Variants in LINC01488 observed in about 807,000 individuals in gnomAD.
The protein encoded by LINC01488 is CCND1-upstream intergenic DNA repair 1.
chr11:69,483,300 G>GC (rs1162692647), intron 1 of LINC01488, among the ~76,000 whole-genome samples: 2 of 152,194 alleles, frequency 1.3e-5, no homozygotes, highest in Non-Finnish European at 2.9e-5. Context: ...ACACTCTGGA[G>GC]CCTACAGGTG....
intron 1 of LINC01488, among the ~76,000 whole-genome samples, chr11:69,489,548 C>A (rs1006799908): frequency 6.6e-6 from 1 of 152,266 alleles, no homozygotes; most frequent in South Asian, 2.1e-4. Context: ...AGCCCTGGAG[C>A]CGGAGGCTTG....
intron 1 of LINC01488, among the ~76,000 whole-genome samples, chr11:69,485,076 G>A (rs1290370798): frequency 1.3e-5 from 2 of 152,210 alleles, no homozygotes; most frequent in African/African-American, 4.8e-5. Flanking sequence ...GCATGTCACT[G>A]CGTATGGGAA....
At chr11:69,491,231 T>C (rs1230668929) in exon 3 of LINC01488, 1 of 152,132 alleles carries the variant, frequency 6.6e-6, no homozygotes, top group East Asian at 1.9e-4. Flanking sequence ...GGACACAGCA[T>C]GAAGGAGTAG....
At chr11:69,486,607 G>T (rs1169007123) in intron 1 of LINC01488, among the ~76,000 whole-genome samples, 1 of 152,226 alleles carries the variant, frequency 6.6e-6, no homozygotes, top group Non-Finnish European at 1.5e-5. Context: ...CTGTCCTGGG[G>T]GGTCTTCCTG....
exon 4 of LINC01488, chr11:69,492,177 G>A (rs1023911450): frequency 6.6e-6 from 1 of 152,292 alleles, no homozygotes; most frequent in Admixed American, 6.5e-5. Flanking sequence ...GAGGAGTTGG[G>A]GTAGTCCTCC....
intron 1 of LINC01488, among the ~76,000 whole-genome samples, chr11:69,486,333 T>C (rs1857116660): frequency 6.6e-6 from 1 of 152,168 alleles, no homozygotes; most frequent in Admixed American, 6.5e-5. Flanking sequence ...CTGTGGGCCA[T>C]CTGGGGGAGC....
At chr11:69,488,240 A>T (rs1857156074) in intron 1 of LINC01488, 1 of 152,384 alleles carries the variant, frequency 6.6e-6, no homozygotes, top group African/African-American at 2.4e-5. Flanking sequence ...GGCTTCCCTG[A>T]GCACAGCCAC....
chr11:69,486,758 A>T (rs1269956709), intron 1 of LINC01488, among the ~76,000 whole-genome samples: 2 of 152,116 alleles, frequency 1.3e-5, no homozygotes, highest in Non-Finnish European at 2.9e-5. Flanking sequence ...AGCCCCCGCG[A>T]TGGGTGGCAG....
chr11:69,488,484 G>C (rs1461367717), intron 1 of LINC01488, among the ~76,000 whole-genome samples: 1 of 152,140 alleles, frequency 6.6e-6, no homozygotes, highest in Non-Finnish European at 1.5e-5. Context: ...CTGAGCCCCC[G>C]AGGTGGGCAC....
intron 1 of LINC01488, chr11:69,481,834 G>A (rs1857050705): frequency 6.6e-6 from 1 of 152,294 alleles, no homozygotes; most frequent in Non-Finnish European, 1.5e-5. Flanking sequence ...TAGGGAGGGA[G>A]GTGGGTGAAT....
chr11:69,492,787 C>T (rs1221233122), exon 4 of LINC01488: 1 of 152,232 alleles, frequency 6.6e-6, no homozygotes, highest in Non-Finnish European at 1.5e-5. Flanking sequence ...ACCTGCTGAC[C>T]TCTGAGCTCA....
At chr11:69,489,691 G>A (rs541056764) in intron 1 of LINC01488, among the ~76,000 whole-genome samples, 4 of 152,354 alleles carry the variant, frequency 2.6e-5, no homozygotes, top group Non-Finnish European at 5.9e-5. Flanking sequence ...CGCAGGGACA[G>A]GGGCAGGTCT....
chr11:69,481,779 A>G (rs1379791080), exon 1 of LINC01488: 1 of 152,320 alleles, frequency 6.6e-6, no homozygotes, highest in Non-Finnish European at 1.5e-5. Context: ...GGCTCCATCC[A>G]GCAAGTAAGG....
chr11:69,486,405 C>T (rs1412946924), intron 1 of LINC01488, among the ~76,000 whole-genome samples: 2 of 152,228 alleles, frequency 1.3e-5, no homozygotes, highest in African/African-American at 4.8e-5. Context: ...GTCCACCTGC[C>T]CACTGGGGCC....
At chr11:69,491,046 G>T (rs544649821) in exon 3 of LINC01488, 2 of 152,368 alleles carry the variant, frequency 1.3e-5, no homozygotes. Context: ...TGCGCCAGCT[G>T]CTGGAGACAT....
At chr11:69,481,876 C>T (rs35987532) in intron 1 of LINC01488, 1,518 of 150,536 alleles carry the variant, frequency 0.01, 13 homozygotes, top group Non-Finnish European at 0.015. Flanking sequence ...AGTAGATGGA[C>T]GGGTGGATGA....
exon 4 of LINC01488, chr11:69,492,524 G>C (rs1349083615): frequency 2.6e-5 from 4 of 152,356 alleles, no homozygotes; most frequent in African/African-American, 9.7e-5. Flanking sequence ...GGAGGGACGT[G>C]CTGTTGGCTT....
chr11:69,486,685 GA>G (rs1478339463), intron 1 of LINC01488, among the ~76,000 whole-genome samples: 1 of 152,172 alleles, frequency 6.6e-6, no homozygotes, highest in Non-Finnish European at 1.5e-5. Context: ...GACAGGGGAG[GA>G]GCCTCTCCCA....
At chr11:69,483,466 A>T (rs969242551) in intron 1 of LINC01488, among the ~76,000 whole-genome samples, 7 of 152,198 alleles carry the variant, frequency 4.6e-5, no homozygotes, top group Non-Finnish European at 1.0e-4. Context: ...AGGGACATTC[A>T]TGGGATATTG....
Sources: allele counts gnomAD v4.1 joint callset (sites outside exome capture counted in the v4.1 genomes callset), GRCh38; gene constraint gnomAD v4.1.1; transcripts MANE v1.5; gene names NCBI Gene and HGNC (gene_info 2026-07-23, HGNC 2026-07-21).